Variants in ZNF878 observed in about 807,000 individuals in gnomAD.
The protein encoded by ZNF878 is zinc finger protein 878.
Under a neutral mutation model 11.1 loss-of-function variants are expected in ZNF878, and 10 were observed. The observed-to-expected ratio is 0.90, with a 90% CI of 0.56 to 1.53. The LOEUF is 1.53. ZNF878 is among the 40% of genes most tolerant of loss of function. The pLI is 0.00. For missense variants in ZNF878, 548 were observed against 626.1 expected, an observed-to-expected ratio of 0.88 and a Z score of 1.33; for synonymous variants, 165 against 209.7, an observed-to-expected ratio of 0.79 and a Z score of 1.84.
chr19:12,044,937 G>T lies in ZNF878; in HGVS notation c.464C>A (p.Pro155His), dbSNP rs1268518674. The T allele has an allele frequency of 6.2e-7, 1 of 1,614,014 alleles. No homozygotes were observed. Among genetic ancestry groups the T allele is most frequent in the South Asian group, 1.1e-5 (1 of 91,064 alleles). Residue 155 changes from proline (P) to histidine (H), a missense_variant, in exon 4 of 4, where the codon CCC (proline) becomes CAC (histidine). Transcript: ENST00000547628. The stretch of plus-strand genomic sequence containing the variant: ...TCTTTCATGTCTACGAACAGAACTG[G>T]GAAACCTGAATGCTTTCCCACATTC... ...CKECGKAFRF[P>H]SSVRRHERIH...
chr19:12,045,430 G>A (rs1480489576), intron 3 of ZNF878, among the ~76,000 whole-genome samples: 1 of 152,104 alleles, frequency 6.6e-6, no homozygotes, highest in Admixed American at 6.5e-5. Flanking sequence ...GGTGGATCAT[G>A]AGGTCAGGAG....
intron 1 of ZNF878, among the ~76,000 whole-genome samples, chr19:12,049,200 G>T (rs1458664045): frequency 6.6e-6 from 1 of 151,334 alleles, no homozygotes; most frequent in African/African-American, 2.4e-5. Context: ...GCTGGGTGCG[G>T]TGGCTCATGT....
In ZNF878 at chr19:12,044,520, G is replaced by A; in HGVS notation, c.881C>T (p.Ser294Phe). 6.2e-7 allele frequency: 1 copy of A among 1,613,620 alleles called. No individual in the cohort carries two copies. The highest frequency in any genetic ancestry group is 8.5e-7 in the Non-Finnish European group (1 of 1,179,878). Residue 294 changes from serine (S) to phenylalanine (F), a missense_variant, in exon 4 of 4, where the codon TCT becomes TTT. Physicochemically the swap from Ser to Phe is radical, Grantham distance 155 (BLOSUM62 -2). This residue lies in a region of ZNF878 where 335 missense variants were observed against 358.2 expected (regional missense o/e 0.94). Transcript: ENST00000547628. ...TTCATGTACTCGCAGGTACTTGACA[G>A]ATCTGAAGGCTTTCCTACATTGTGT... Reference protein sequence around the residue: ...ECTQCRKAFRSVKYLRVHERK... With the variant: ...ECTQCRKAFRFVKYLRVHERK...
chr19:12,044,780 T>C lies in ZNF878; in HGVS notation c.621A>G (p.Ala207=). 2 of 1,614,132 alleles carry C rather than the reference T, an allele frequency of 1.2e-6. No individual in the cohort carries two copies. Among genetic ancestry groups the C allele is most frequent in the Non-Finnish European group, 1.7e-6 (2 of 1,180,028 alleles). The change falls in exon 4 of 4, where the codon GCA becomes GCG. Residue 207 remains alanine, a synonymous_variant. Coordinates refer to ENST00000547628, the MANE Select transcript of ZNF878 (RefSeq NM_001080404.3). ...KPYECKQCGK[A]LSYLVSFQTH... ...TCTGAAAGCTTACAAGATAAGATAA[T>C]GCTTTCCCACACTGCTTACATTCAT...
chr19:12,051,527 A>G (rs956056910), intron 1 of ZNF878, among the ~76,000 whole-genome samples: 30 of 151,950 alleles, frequency 2.0e-4, no homozygotes, highest in African/African-American at 6.5e-4. Context: ...TAATCCCAGC[A>G]CTTTGGGAGG....
chr19:12,046,277 G>A, intron 3 of ZNF878, 91 bp downstream of exon 3: 1 of 969,330 alleles, frequency 1.0e-6, no homozygotes, highest in East Asian at 2.7e-5. Context: ...TTGGAACTAG[G>A]TTTGTTTCTT....
Position 12,044,784 on chromosome 19 carries a change from TTCC to T in ZNF878, c.614_616del (p.Gly205_Lys206delinsGlu). ...AAAGCTTACAAGATAAGATAATGCT[TTCC>T]CACACTGCTTACATTCATAGGGTTT... On this transcript the variant is annotated inframe_deletion, in exon 4 of 4. Coordinates refer to ENST00000547628, the MANE Select transcript of ZNF878 (RefSeq NM_001080404.3). 6.2e-7 allele frequency: 1 copy of T among 1,614,178 alleles called. No homozygotes were observed. Among genetic ancestry groups the T allele is most frequent in the Non-Finnish European group, 8.5e-7 (1 of 1,180,040 alleles).
chr19:12,045,304 T>A, intron 3 of ZNF878, 95 bp from the exon 4 acceptor site: 1 of 1,047,568 alleles, frequency 9.5e-7, no homozygotes, highest in Non-Finnish European at 1.4e-6. Context: ...CCCAGCAAAG[T>A]GTAGGCTTTC....
At chr19:12,048,725 T>G (rs561134921) in intron 1 of ZNF878, among the ~76,000 whole-genome samples, 1 of 150,194 alleles carries the variant, frequency 6.7e-6, no homozygotes, top group Non-Finnish European at 1.5e-5. Flanking sequence ...TCCCAGCTAC[T>G]TGGGGGGCCG....
At chr19:12,051,951 A>T (rs1975555900) in intron 1 of ZNF878, among the ~76,000 whole-genome samples, 1 of 152,116 alleles carries the variant, frequency 6.6e-6, no homozygotes, top group Non-Finnish European at 1.5e-5. Flanking sequence ...TCTTTTGGGG[A>T]AGGGGGCGGG....
intron 1 of ZNF878, among the ~76,000 whole-genome samples, chr19:12,047,966 T>A (rs1470268695): frequency 1.3e-5 from 2 of 152,200 alleles, no homozygotes; most frequent in Non-Finnish European, 2.9e-5. Context: ...TATGTTCCAT[T>A]TTCATATGGC....
chr19:12,044,917 C>T lies in ZNF878; in HGVS notation c.484G>A (p.Glu162Lys). The change falls in exon 4 of 4, where the codon GAA (glutamate) becomes AAA (lysine). Residue 162 changes from glutamate to lysine, a missense_variant. This residue lies in a region of ZNF878 where 53 missense variants were observed against 94.6 expected (regional missense o/e 0.56). Coordinates refer to ENST00000547628, the MANE Select transcript of ZNF878 (RefSeq NM_001080404.3). ...GGTTTTTTTGCAGAGTGGATTCTTT[C>T]ATGTCTACGAACAGAACTGGGAAAC... ...FRFPSSVRRH[E>K]RIHSAKKPYE... 1 of 1,614,084 alleles carries T rather than the reference C, an allele frequency of 6.2e-7. No homozygotes were observed. Among genetic ancestry groups the T allele is most frequent in the Non-Finnish European group, 8.5e-7 (1 of 1,180,016 alleles).
At position 12,044,328 on chromosome 19, in the gene ZNF878, T is replaced by C; in HGVS notation, c.1073A>G (p.Glu358Gly). ...FSFVKDLRIH[E>G]RTHTGEKPFE... ...GGGTTTCTCTCCAGTGTGTGTCCTTTCATGTATTCGAAGATCCTTGACAAA... is the reference window on the plus strand; with the variant it reads ...GGGTTTCTCTCCAGTGTGTGTCCTTCCATGTATTCGAAGATCCTTGACAAA... Residue 358 changes from glutamate (E) to glycine (G), a missense_variant, in exon 4 of 4, where the codon GAA (glutamate) becomes GGA (glycine). Around this residue, in one of 3 missense-constraint regions of ZNF878, gnomAD observed 335 missense variants for 358.2 expected, o/e 0.94. Coordinates refer to ENST00000547628, the MANE Select transcript of ZNF878 (RefSeq NM_001080404.3). 1.2e-6 allele frequency: 2 copies of C among 1,612,786 alleles called. No individual in the cohort carries two copies. The highest frequency in any genetic ancestry group is 1.7e-6 in the Non-Finnish European group (2 of 1,179,062).
chr19:12,044,083 T>C lies in ZNF878; in HGVS notation c.1318A>G (p.Met440Val). 6.2e-7 allele frequency: 1 copy of C among 1,613,044 alleles called. No homozygotes were observed. Among genetic ancestry groups the C allele is most frequent in the Non-Finnish European group, 8.5e-7 (1 of 1,179,690 alleles). ...KVFRVASQLK[M>V]HERTHTGEKP... is the part of the protein sequence containing the mutation. ...TCTCCTGTGTGAGTCCTTTCATGCA[T>C]TTTAAGTTGTGAGGCAACTCTAAAG... is the stretch of plus-strand genomic sequence containing the variant. Residue 440 changes from methionine (M) to valine (V), a missense_variant, in exon 4 of 4, where the codon ATG becomes GTG. This residue lies in a region of ZNF878 where 335 missense variants were observed against 358.2 expected (regional missense o/e 0.94). Coordinates refer to ENST00000547628, the MANE Select transcript of ZNF878 (RefSeq NM_001080404.3).
chr19:12,043,918 GAA>G lies in ZNF878; in HGVS notation c.1481_1482del (p.Phe494SerfsTer4), dbSNP rs774760830. 6.2e-6 allele frequency: 10 copies of G among 1,613,990 alleles called. No individual in the cohort carries two copies. Among genetic ancestry groups the G allele is most frequent in the East Asian group, 4.5e-5 (2 of 44,866 alleles). On this transcript the variant is annotated frameshift_variant, in exon 4 of 4. Transcript: ENST00000547628. LOFTEE classifies it low-confidence loss of function (END_TRUNC). Reference sequence around the variant, plus strand: ...CCAGTATGAATCCTTTCATGGTAGAGAAAAGAGTTGGAAGAAATGAAGGCTTT... The same window carrying G: ...CCAGTATGAATCCTTTCATGGTAGAGAAGAGTTGGAAGAAATGAAGGCTTT... ...CGKAFISSNS[F>X]LYHERIHTGE... is the part of the protein sequence containing the mutation.
chr19:12,049,460 C>CAAATAAAAAA (rs1975529556), intron 1 of ZNF878, among the ~76,000 whole-genome samples: 1 of 36,036 alleles, frequency 2.8e-5, no homozygotes, highest in African/African-American at 1.4e-4. Flanking sequence ...GACTCCCTCT[C>CAAATAAAAAA]AAAAAAAAAA....
rs756419765 is a variant in ZNF878 at position 12,044,522 on chromosome 19, T to C, written c.879A>G (p.Arg293=). The part of the protein sequence containing the change: ...YECTQCRKAF[R]SVKYLRVHER... ...CATGTACTCGCAGGTACTTGACAGA[T>C]CTGAAGGCTTTCCTACATTGTGTAC... Residue 293 remains arginine, a synonymous_variant, in exon 4 of 4, where the codon AGA becomes AGG. Coordinates refer to ENST00000547628, the MANE Select transcript of ZNF878 (RefSeq NM_001080404.3). 1 of 1,613,512 alleles carries C rather than the reference T, an allele frequency of 6.2e-7. No homozygotes were observed. The highest frequency in any genetic ancestry group is 1.1e-5 in the South Asian group (1 of 91,036).
rs776959457 is a variant in ZNF878, at chr19:12,044,738, G to A, written c.663C>T (p.His221=). ...LVSFQTHMRM[H]TGERPHKCNI... ...TACATTTATGAGGTCTCTCTCCAGT[G>A]TGCATTCTCATGTGTGTCTGAAAGC... The change falls in exon 4 of 4, where the codon CAC becomes CAT. Residue 221 remains histidine, a synonymous_variant. Coordinates refer to ENST00000547628, the MANE Select transcript of ZNF878 (RefSeq NM_001080404.3). 1 of 1,614,180 alleles carries A rather than the reference G, an allele frequency of 6.2e-7. No homozygotes were observed. Among genetic ancestry groups the A allele is most frequent in the Non-Finnish European group, 8.5e-7 (1 of 1,180,030 alleles).
chr19:12,046,881 G>T, intron 1 of ZNF878, 121 bp from the exon 2 acceptor site: 1 of 1,427,168 alleles, frequency 7.0e-7, no homozygotes, highest in Non-Finnish European at 9.5e-7. Flanking sequence ...TTTATTCCAT[G>T]ACTTGGTCAT....
Sources: allele counts gnomAD v4.1 joint callset (sites outside exome capture counted in the v4.1 genomes callset), GRCh38; gene constraint gnomAD v4.1.1; regional missense constraint gnomAD v4.1.1; transcripts MANE v1.5; gene names NCBI Gene and HGNC (gene_info 2026-07-23, HGNC 2026-07-21).